Variants in KANK1 observed in about 807,000 individuals in gnomAD.
KANK1 encodes the protein KN motif and ankyrin repeat domain-containing protein 1.
KANK1 carries 109 observed loss-of-function variants against 106.2 expected under a neutral mutation model. That is an observed-to-expected ratio of 1.03 (90% CI 0.88 to 1.20). The LOEUF is 1.20. KANK1 is among the 50% of genes most tolerant of loss of function. The pLI is 0.00. For synonymous variants in KANK1, 873 were observed against 652.2 expected, an observed-to-expected ratio of 1.34 and a Z score of -5.16; for missense variants, 2,399 against 1,710.7, an observed-to-expected ratio of 1.40 and a Z score of -7.10.
intron 2 of KANK1, among the ~76,000 whole-genome samples, chr9:679,542 G>A (rs944966663): frequency 1.3e-5 from 2 of 152,070 alleles, no homozygotes; most frequent in African/African-American, 4.8e-5. Context: ...AGCCTCCCAC[G>A]CAGCTGGGAT....
intron 2 of KANK1, among the ~76,000 whole-genome samples, chr9:689,927 A>T (rs538617636): frequency 6.6e-6 from 1 of 151,970 alleles, no homozygotes; most frequent in East Asian, 1.9e-4. Flanking sequence ...AAAGGGTGGG[A>T]GGAATGTGAG....
chr9:724,112 CTA>C (rs1254914976), intron 3 of KANK1, among the ~76,000 whole-genome samples: 1 of 151,806 alleles, frequency 6.6e-6, no homozygotes, highest in Non-Finnish European at 1.5e-5. Context: ...AAAAAAAAGA[CTA>C]TTGGAGAAAT....
rs568584668 is a variant in KANK1, at chr9:720,656, T to G, written c.2698+7192T>G. On this transcript the variant is annotated intron_variant, in intron 3 of 11. Transcript: ENST00000382297. ...CAGGCGTAAGCCAATGCACCCAGCC[T>G]GTTTTTTGTTTTTCCTCAGAGACGG... Among the ~76,000 whole-genome samples the G allele has an allele frequency of 1.3e-4, 20 of 152,314 alleles. No homozygotes were observed. The South Asian group carries it at 3.7e-3, about 28-fold the overall frequency.
chr9:744,428 C>T, intron 10 of KANK1, 63 bp from the exon 11 acceptor site: 1 of 1,555,212 alleles, frequency 6.4e-7, no homozygotes, highest in Non-Finnish European at 8.8e-7. Context: ...TGTTCTGTTA[C>T]CTTTCGGTTG....
intron 1 of KANK1, among the ~76,000 whole-genome samples, chr9:672,924 C>G (rs1416982117): frequency 1.3e-5 from 2 of 152,250 alleles, no homozygotes; most frequent in East Asian, 3.9e-4. Context: ...AACTAAGCCA[C>G]CATTGTACCA....
intron 1 of KANK1, among the ~76,000 whole-genome samples, chr9:544,101 A>G (rs901674752): frequency 2.6e-5 from 4 of 151,772 alleles, no homozygotes; most frequent in Admixed American, 6.6e-5. Flanking sequence ...GCTCACTGCA[A>G]CCTCCATCTC....
intron 2 of KANK1, chr9:707,223 C>CG (rs1253685417): frequency 5.6e-5 from 55 of 986,030 alleles, no homozygotes; most frequent in Non-Finnish European, 6.4e-5. Flanking sequence ...CGCGGGCTGG[C>CG]GGGGAGCGCG....
In KANK1 at chr9:740,702, C is replaced by T. The variant is rs1426235160; in HGVS notation, c.3554-90C>T. ...CACCTGGTACCATTTCACTGGGCTCCTGTAAACACCATCCCTTCAGTGGCT... is the reference window on the plus strand; with the variant it reads ...CACCTGGTACCATTTCACTGGGCTCTTGTAAACACCATCCCTTCAGTGGCT... On this transcript the variant is annotated intron_variant, in intron 8 of 11. Coordinates refer to ENST00000382297, the MANE Select transcript of KANK1 (RefSeq NM_015158.5). 3.6e-6 allele frequency: 5 copies of T among 1,399,004 alleles called. No individual in the cohort carries two copies. The Admixed American group carries it at 1.1e-4, about 30-fold the overall frequency. 86.7% of individuals were successfully genotyped at this position (1,399,004 alleles called of 1,614,324 possible). A position where few individuals can be genotyped will look rare whatever the true frequency, so the allele number is the denominator to read the frequency against.
intron 1 of KANK1, among the ~76,000 whole-genome samples, chr9:563,365 G>C (rs983446200): frequency 2.0e-5 from 3 of 152,154 alleles, no homozygotes; most frequent in African/African-American, 7.2e-5. Flanking sequence ...TCCATTAACT[G>C]AGAACTCTGA....
At chr9:667,000 A>T (rs1181625712) in intron 1 of KANK1, among the ~76,000 whole-genome samples, 7 of 138,052 alleles carry the variant, frequency 5.1e-5, no homozygotes, top group Non-Finnish European at 6.1e-5. Flanking sequence ...TTCCTCTTCA[A>T]TTTTTTTTTT....
At chr9:504,434 G>A (rs1176825787), upstream of KANK1, among the ~76,000 whole-genome samples, 1 of 151,724 alleles carries the variant, frequency 6.6e-6, no homozygotes, top group Non-Finnish European at 1.5e-5. Flanking sequence ...GGCCGCCCGC[G>A]GCCGGCTCCG....
chr9:530,138 A>C (rs1440398592), intron 1 of KANK1, among the ~76,000 whole-genome samples: 1 of 152,168 alleles, frequency 6.6e-6, no homozygotes, highest in Non-Finnish European at 1.5e-5. Flanking sequence ...CATTATACCT[A>C]AGGGAAATAA....
chr9:499,114 C>G (rs931885157), intron 3 of KANK1, among the ~76,000 whole-genome samples: 5 of 149,632 alleles, frequency 3.3e-5, no homozygotes, highest in Non-Finnish European at 5.9e-5. Flanking sequence ...GGAGGCGGAG[C>G]TTGCAGTGAG....
intron 2 of KANK1, chr9:680,762 T>G (rs1357840035): frequency 6.6e-6 from 1 of 152,168 alleles, no homozygotes; most frequent in Admixed American, 6.5e-5. Context: ...TGCTCCACTT[T>G]CGTGCGCGGC....
At chr9:576,058 A>C (rs956623177) in intron 1 of KANK1, among the ~76,000 whole-genome samples, 7 of 152,210 alleles carry the variant, frequency 4.6e-5, no homozygotes, top group African/African-American at 1.7e-4. Flanking sequence ...AATGATTCCC[A>C]AAGTATGGTC....
intron 2 of KANK1, chr9:684,064 C>T (rs762046261): frequency 3.2e-6 from 2 of 616,352 alleles, no homozygotes; most frequent in Non-Finnish European, 4.0e-6. Flanking sequence ...TCAGAATTCA[C>T]CCAGCCCCCG....
chr9:601,077 C>A (rs1339442925), intron 1 of KANK1, among the ~76,000 whole-genome samples: 6 of 151,628 alleles, frequency 4.0e-5, no homozygotes, highest in African/African-American at 1.5e-4. Context: ...GTAAGAGTAA[C>A]CACAGTTGCT....
At chr9:472,138 C>T (rs2058032978) in intron 2 of KANK1, among the ~76,000 whole-genome samples, 1 of 152,084 alleles carries the variant, frequency 6.6e-6, no homozygotes, top group African/African-American at 2.4e-5. Flanking sequence ...GGGAATACAC[C>T]CTACCTTATT....
chr9:494,230 T>C (rs1409967597), intron 3 of KANK1, among the ~76,000 whole-genome samples: 1 of 152,254 alleles, frequency 6.6e-6, no homozygotes, highest in Non-Finnish European at 1.5e-5. Context: ...TTTATTGGGC[T>C]CAAGCCCAAT....
Sources: allele counts gnomAD v4.1 joint callset (sites outside exome capture counted in the v4.1 genomes callset), GRCh38; gene constraint gnomAD v4.1.1; transcripts MANE v1.5; gene names NCBI Gene and HGNC (gene_info 2026-07-23, HGNC 2026-07-21).